Variants in FAM117A observed in about 807,000 individuals in gnomAD.
FAM117A encodes the protein family with sequence similarity 117 member A.
FAM117A carries 21 observed loss-of-function variants against 44.1 expected under a neutral mutation model. The ratio of observed to expected loss-of-function variants is 0.48; its 90% CI spans 0.34 to 0.69. FAM117A has a LOEUF of 0.69. Ranked by LOEUF, FAM117A falls within the 30% of genes least tolerant of loss-of-function variation. The probability of loss-of-function intolerance (pLI) is 0.01; values close to 1 mark genes in which losing one functional copy is unlikely to be tolerated. For synonymous variants in FAM117A, 220 were observed against 238.3 expected, an observed-to-expected ratio of 0.92 and a Z score of 0.71; for missense variants, 498 against 589.9, an observed-to-expected ratio of 0.84 and a Z score of 1.61.
At chr17:49,737,212 T>C (rs1359094488) in intron 1 of FAM117A, among the ~76,000 whole-genome samples, 3 of 152,112 alleles carry the variant, frequency 2.0e-5, no homozygotes, top group Non-Finnish European at 4.4e-5. Flanking sequence ...GGCACAACTT[T>C]ATCTCTACAC....
upstream of FAM117A, among the ~76,000 whole-genome samples, chr17:49,768,169 T>C (rs1441867153): frequency 6.6e-6 from 1 of 152,056 alleles, no homozygotes; most frequent in Non-Finnish European, 1.5e-5. Context: ...GTCTAAGAGA[T>C]TACCAAGGGC....
intron 2 of FAM117A, chr17:49,724,299 T>G: frequency 2.2e-6 from 1 of 453,856 alleles, no homozygotes; most frequent in South Asian, 1.6e-5. Flanking sequence ...ACAAACCTGT[T>G]GTCCCTGGAA....
At chr17:49,715,731 T>C (rs2073499356) in intron 7 of FAM117A, among the ~76,000 whole-genome samples, 1 of 152,060 alleles carries the variant, frequency 6.6e-6, no homozygotes, top group Non-Finnish European at 1.5e-5. Flanking sequence ...GGCCCCCCAT[T>C]CTACTCCAGT....
At chr17:49,770,226 C>T (rs550532404) in intron 1 of FAM117A, among the ~76,000 whole-genome samples, 104 of 144,736 alleles carry the variant, frequency 7.2e-4, no homozygotes, top group African/African-American at 2.4e-3. Context: ...GCTGAGATCG[C>T]GCCACTGCAC....
intron 1 of FAM117A, among the ~76,000 whole-genome samples, chr17:49,738,372 C>G (rs1443663906): frequency 2.0e-5 from 3 of 151,982 alleles, no homozygotes; most frequent in African/African-American, 7.3e-5. Flanking sequence ...ACTTGTTCCT[C>G]CATATACAAA....
chr17:49,735,694 G>A (rs932722045), intron 1 of FAM117A, among the ~76,000 whole-genome samples: 5 of 151,794 alleles, frequency 3.3e-5, no homozygotes, highest in Non-Finnish European at 7.4e-5. Context: ...TGAACTCCTG[G>A]GCTCAAGTGA....
intron 2 of FAM117A, chr17:49,724,438 C>A (rs1203937248): frequency 2.2e-6 from 1 of 456,298 alleles, no homozygotes. Flanking sequence ...ATTCAGGCCG[C>A]CACGGGTACT....
At chr17:49,764,280 G>C (rs1170135907), upstream of FAM117A, 1 of 344,104 alleles carries the variant, frequency 2.9e-6, no homozygotes, top group East Asian at 4.5e-5. Context: ...AGGATGATTG[G>C]TCGATGAGCC....
chr17:49,788,745 AC>A, upstream of FAM117A: 1 of 1,433,580 alleles, frequency 7.0e-7, no homozygotes, highest in East Asian at 2.7e-5. Context: ...TGGGACTGAT[AC>A]AGAGGCCGCC....
chr17:49,732,417 C>G (rs1331837060), intron 2 of FAM117A, 134 bp downstream of exon 2: 2 of 822,258 alleles, frequency 2.4e-6, no homozygotes, highest in Non-Finnish European at 3.8e-6. Flanking sequence ...GAAGATAAAA[C>G]ATTACATGGA....
At chr17:49,716,569 TC>T (rs1477547697) in intron 6 of FAM117A, among the ~76,000 whole-genome samples, 1 of 152,194 alleles carries the variant, frequency 6.6e-6, no homozygotes, top group African/African-American at 2.4e-5. Flanking sequence ...AATTCTATAT[TC>T]CCAGGAGGTA....
At chr17:49,763,844 C>T (rs1206795734) in intron 1 of FAM117A, 48 bp downstream of exon 1, 3 of 1,043,358 alleles carry the variant, frequency 2.9e-6, no homozygotes, top group South Asian at 4.8e-5. Flanking sequence ...ACGCGCCCCC[C>T]CTCCCCCAAT....
At chr17:49,785,432 G>A (rs989698105) in intron 1 of FAM117A, among the ~76,000 whole-genome samples, 6 of 152,114 alleles carry the variant, frequency 3.9e-5, no homozygotes, top group African/African-American at 1.2e-4. Flanking sequence ...GGATCGCTTG[G>A]CCCAGGAGAT....
intron 1 of FAM117A, among the ~76,000 whole-genome samples, chr17:49,774,790 C>T (rs1413219370): frequency 1.3e-5 from 2 of 152,150 alleles, no homozygotes; most frequent in African/African-American, 2.4e-5. Context: ...TTGATGCTAA[C>T]GGTCCTGCAG....
intron 1 of FAM117A, among the ~76,000 whole-genome samples, chr17:49,770,320 A>G (rs2073757325): frequency 6.6e-6 from 1 of 151,988 alleles, no homozygotes; most frequent in Admixed American, 6.6e-5. Context: ...TTTCAGCAAC[A>G]AAAAGGAACA....
At chr17:49,757,182 C>T (rs1439770726) in intron 1 of FAM117A, among the ~76,000 whole-genome samples, 1 of 151,876 alleles carries the variant, frequency 6.6e-6, no homozygotes, top group African/African-American at 2.4e-5. Flanking sequence ...AAAGGCACTC[C>T]ATCTGTCCTC....
chr17:49,768,571 C>T (rs1189179581), upstream of FAM117A, among the ~76,000 whole-genome samples: 6 of 152,144 alleles, frequency 3.9e-5, no homozygotes, highest in Admixed American at 3.9e-4. Context: ...TTCCGACCTA[C>T]CTCCTTTACT....
chr17:49,778,576 G>C (rs1161662231), intron 1 of FAM117A, among the ~76,000 whole-genome samples: 2 of 152,212 alleles, frequency 1.3e-5, no homozygotes, highest in African/African-American at 2.4e-5. Context: ...TTTGCAGGTA[G>C]AGTGACCAGA....
At chr17:49,788,882 C>G (rs201313107), upstream of FAM117A, 6 of 1,564,066 alleles carry the variant, frequency 3.8e-6, no homozygotes, top group African/African-American at 2.8e-5. Context: ...TGGCGGGTTT[C>G]TAAGGACAGT....
Sources: gnomAD v4.1 joint callset for allele counts (sites outside exome capture counted in the v4.1 genomes callset) on GRCh38, gnomAD v4.1.1 for gene constraint, MANE v1.5 for transcripts, NCBI Gene and HGNC (gene_info 2026-07-23, HGNC 2026-07-21) for gene names.